Variants in GSAP observed in about 807,000 individuals in gnomAD.
GSAP encodes gamma-secretase-activating protein.
In GSAP, 118 loss-of-function variants were observed where a neutral mutation model predicts 131.7. That is an observed-to-expected ratio of 0.90 (90% confidence interval 0.77 to 1.04). The LOEUF is 1.04. Among genes scored for constraint, GSAP ranks in the 50% least tolerant of loss-of-function variants. GSAP has a pLI of 0.00. For synonymous variants in GSAP, 381 were observed against 363.4 expected (o/e 1.05, Z -0.55); for missense variants, 1,019 against 1,013.2 (o/e 1.01, Z -0.08).
chr7:77,414,844 C>CCTTTTTTTT (rs1803991224), intron 1 of GSAP, among the ~76,000 whole-genome samples: 2 of 59,876 alleles, frequency 3.3e-5, no homozygotes, highest in African/African-American at 1.5e-4. Flanking sequence ...ATGTGGGCGA[C>CCTTTTTTTT]TTTTTTTTTT....
intron 28 of GSAP, 144 bp downstream of exon 28, chr7:77,313,344 G>T: frequency 1.7e-6 from 1 of 592,946 alleles, no homozygotes; most frequent in Non-Finnish European, 3.0e-6. Context: ...GGCTGGGGAC[G>T]GGTGGGATTT....
chr7:77,412,967 T>C (rs1305786422), intron 1 of GSAP, among the ~76,000 whole-genome samples: 1 of 152,114 alleles, frequency 6.6e-6, no homozygotes, highest in African/African-American at 2.4e-5. Context: ...TAGACGTACA[T>C]TCTAGAGAAA....
intron 12 of GSAP, among the ~76,000 whole-genome samples, chr7:77,369,902 G>GTTTTTTT (rs143719510): frequency 4.6e-5 from 7 of 151,328 alleles, no homozygotes; most frequent in Non-Finnish European, 7.4e-5. Flanking sequence ...TTTGAAACAC[G>GTTTTTTT]TTTTTTTATT....
chr7:77,341,456 C>G (rs1049662366), intron 19 of GSAP, among the ~76,000 whole-genome samples: 1 of 152,224 alleles, frequency 6.6e-6, no homozygotes, highest in African/African-American at 2.4e-5. Flanking sequence ...TTTCATTCCA[C>G]GACTAGCCCT....
In GSAP at chr7:77,310,955, T is replaced by G. The variant is rs1416022636; in HGVS notation, c.*403A>C. ...GGACCCTCTTTCCAAATAGTGTTCT[T>G]ATGTAACATTTAATTTTTATGCCTA... On this transcript the variant is annotated 3_prime_UTR_variant, in exon 31 of 31. Coordinates refer to ENST00000257626, the MANE Select transcript of GSAP (RefSeq NM_017439.4). 6.2e-6 allele frequency: 1 copy of G among 160,540 alleles called. No homozygotes were observed. Among genetic ancestry groups the G allele is most frequent in the Non-Finnish European group, 1.4e-5 (1 of 72,864 alleles). The allele number at this position is 160,540 out of a possible 1,614,324, so 9.9% of individuals were successfully genotyped here. A position where few individuals can be genotyped will look rare whatever the true frequency, so the allele number is the denominator to read the frequency against.
intron 6 of GSAP, 130 bp from the exon 7 acceptor site, chr7:77,382,773 A>G (rs1198828057): frequency 1.7e-6 from 1 of 573,374 alleles, no homozygotes; most frequent in East Asian, 2.8e-5. Flanking sequence ...AGTTTAGGGG[A>G]ATCACCTGCA....
At chr7:77,352,562 C>T (rs559686708) in intron 18 of GSAP, among the ~76,000 whole-genome samples, 6 of 152,214 alleles carry the variant, frequency 3.9e-5, no homozygotes, top group East Asian at 3.9e-4. Flanking sequence ...AAAAAGGGGT[C>T]GTGAAGGTCC....
At chr7:77,343,335 T>C (rs920198496) in intron 19 of GSAP, among the ~76,000 whole-genome samples, 1 of 152,222 alleles carries the variant, frequency 6.6e-6, no homozygotes, top group African/African-American at 2.4e-5. Context: ...GCCGAACTCA[T>C]TGCCTTAACT....
intron 22 of GSAP, among the ~76,000 whole-genome samples, chr7:77,327,663 G>A (rs982169954): frequency 1.3e-5 from 2 of 152,234 alleles, no homozygotes; most frequent in African/African-American, 4.8e-5. Context: ...TGACCTTCAT[G>A]AGGCACGAAA....
chr7:77,360,919 G>A lies in GSAP; in HGVS notation c.950-18C>T, dbSNP rs1305164676. On this transcript the variant is annotated intron_variant, in intron 13 of 30. Coordinates refer to ENST00000257626, the MANE Select transcript of GSAP (RefSeq NM_017439.4). Reference sequence around the variant, plus strand: ...GCTGTGTCCTGCAAAGAGAGAATATGAAGCCAGAGAATGTTAAACAAAGAA... The same window carrying A: ...GCTGTGTCCTGCAAAGAGAGAATATAAAGCCAGAGAATGTTAAACAAAGAA... The A allele has an allele frequency of 1.4e-6, 2 of 1,448,218 alleles. No individual in the cohort carries two copies. Among genetic ancestry groups the A allele is most frequent in the Non-Finnish European group, 1.9e-6 (2 of 1,029,580 alleles). 89.7% of individuals were successfully genotyped at this position (1,448,218 alleles called of 1,614,324 possible). A position where few individuals can be genotyped will look rare whatever the true frequency, so the allele number is the denominator to read the frequency against.
At chr7:77,380,019 C>A (rs1797560872) in intron 8 of GSAP, 2 of 550,366 alleles carry the variant, frequency 3.6e-6, no homozygotes, top group Non-Finnish European at 4.6e-6. Flanking sequence ...TGAAGAAAAT[C>A]ATTTTTAATA....
intron 26 of GSAP, chr7:77,315,677 A>T (rs907433572): frequency 6.6e-6 from 1 of 152,234 alleles, no homozygotes; most frequent in African/African-American, 2.4e-5. Context: ...GTCACTGTTA[A>T]TAACTGGCAG....
intron 29 of GSAP, 46 bp from the exon 30 acceptor site, chr7:77,311,986 G>A (rs753875121): frequency 3.9e-6 from 5 of 1,266,204 alleles, no homozygotes; most frequent in Middle Eastern, 1.9e-4. Context: ...TCCACAATAA[G>A]CACAATTTTA....
rs914398524 is a variant in GSAP, at chr7:77,314,463, C to A, written c.2116G>T (p.Gly706Trp). ...TTATGCAAAGGGAGACACTGGACCCCGAGGATGGTGTGCAGAGTATGAAAA... is the reference window on the plus strand; with the variant it reads ...TTATGCAAAGGGAGACACTGGACCCAGAGGATGGTGTGCAGAGTATGAAAA... Reference protein sequence around the residue: ...PGFHTLHTILGVQCLPLHNLL... With the variant: ...PGFHTLHTILWVQCLPLHNLL... The change falls in exon 27 of 31, where the codon GGG becomes TGG. Residue 706 changes from glycine to tryptophan, a missense_variant. Transcript: ENST00000257626. 3 of 1,613,636 alleles carry A rather than the reference C, an allele frequency of 1.9e-6. No individual in the cohort carries two copies. The highest frequency in any genetic ancestry group is 2.5e-6 in the Non-Finnish European group (3 of 1,179,802).
chr7:77,361,886 G>C (rs1001161977), intron 13 of GSAP, among the ~76,000 whole-genome samples: 5 of 152,118 alleles, frequency 3.3e-5, no homozygotes, highest in Non-Finnish European at 7.3e-5. Context: ...ATGTATCTTA[G>C]ATCTAAAACC....
intron 19 of GSAP, among the ~76,000 whole-genome samples, chr7:77,345,431 T>C (rs1030585415): frequency 5.3e-5 from 8 of 152,194 alleles, no homozygotes; most frequent in African/African-American, 1.9e-4. Flanking sequence ...ATTTTTCTTA[T>C]TAATATAAGA....
intron 26 of GSAP, among the ~76,000 whole-genome samples, chr7:77,317,677 A>G (rs1939177929): frequency 6.6e-6 from 1 of 152,184 alleles, no homozygotes; most frequent in South Asian, 2.1e-4. Flanking sequence ...GTGGATTTTT[A>G]TGATCTCCAG....
intron 5 of GSAP, among the ~76,000 whole-genome samples, chr7:77,393,417 C>T (rs1799881227): frequency 6.6e-6 from 1 of 152,112 alleles, no homozygotes; most frequent in African/African-American, 2.4e-5. Context: ...CAGCCGTGAC[C>T]TCTTACCTGG....
chr7:77,386,427 G>A (rs1389206076), intron 6 of GSAP, among the ~76,000 whole-genome samples: 1 of 152,130 alleles, frequency 6.6e-6, no homozygotes, highest in Non-Finnish European at 1.5e-5. Flanking sequence ...TTGGGATTAT[G>A]ATCCAAACCC....
Sources: gnomAD v4.1 joint callset for allele counts (sites outside exome capture counted in the v4.1 genomes callset) on GRCh38, gnomAD v4.1.1 for gene constraint, MANE v1.5 for transcripts, NCBI Gene and HGNC (gene_info 2026-07-23, HGNC 2026-07-21) for gene names.